KLHL8: variants seen among roughly 807,000 people sequenced by gnomAD.
The protein encoded by KLHL8 is kelch like family member 8, also known as kelch-like protein 8.
A neutral mutation model predicts 63.5 loss-of-function variants in KLHL8; 38 were observed. The observed-to-expected ratio is 0.60, with a 90% CI of 0.46 to 0.78. The LOEUF (loss-of-function observed/expected upper bound fraction) is 0.78. Among genes scored for constraint, KLHL8 ranks in the 30% least tolerant of loss-of-function variants. The probability of loss-of-function intolerance (pLI) is 0.00; values close to 1 mark genes in which losing one functional copy is unlikely to be tolerated. For synonymous variants in KLHL8, 224 were observed against 254.3 expected, an observed-to-expected ratio of 0.88 and a Z score of 1.13; for missense variants, 566 against 752.4, an observed-to-expected ratio of 0.75 and a Z score of 2.90.
At position 87,166,681 on chromosome 4, in the gene KLHL8, T is replaced by C. The variant is rs535072140; in HGVS notation, c.1538-2602A>G. Among the ~76,000 whole-genome samples the C allele has an allele frequency of 2.6e-5, 4 of 152,332 alleles. No individual in the cohort carries two copies. The South Asian group carries it at 8.3e-4, about 32-fold the overall frequency. ...GAAACTAGGCCCCTCCTTTGCAATA[T>C]AACAAGATCTCCAGATTATTCATAT... On this transcript the variant is annotated intron_variant, in intron 8 of 9. Transcript: ENST00000273963.
intron 1 of KLHL8, among the ~76,000 whole-genome samples, chr4:87,196,536 T>C (rs1234763756): frequency 6.6e-6 from 1 of 152,148 alleles, no homozygotes; most frequent in Non-Finnish European, 1.5e-5. Flanking sequence ...TAAGGAAATA[T>C]TTTGAGGATT....
chr4:87,186,801 T>C lies in KLHL8; in HGVS notation c.217-1002A>G, dbSNP rs147798552. On this transcript the variant is annotated intron_variant, in intron 2 of 9. Coordinates refer to ENST00000273963, the MANE Select transcript of KLHL8 (RefSeq NM_020803.5). ...GGCCTTCTAAGTGCTTTTCATATAC[T>C]AACTCAGTTGTCCCAACATCCCTAT... 2.6e-3 allele frequency among the ~76,000 whole-genome samples: 389 copies of C among 152,304 alleles called. 4 individuals are homozygous for C. Among genetic ancestry groups the C allele is most frequent in the African/African-American group, 8.8e-3 (364 of 41,586 alleles).
Position 87,185,250 on chromosome 4 carries a change from C to T in KLHL8, c.765+1G>A. ...GTGTGAAATCTTATTTCAGCTCCTA[C>T]CTGTGCAAGTGTTTCATCCAACCAT... On this transcript the variant is annotated splice_donor_variant, in intron 3 of 9. Coordinates refer to ENST00000273963, the MANE Select transcript of KLHL8 (RefSeq NM_020803.5). LOFTEE classifies it high-confidence loss of function. The T allele has an allele frequency of 6.2e-7, 1 of 1,604,610 alleles. No homozygotes were observed. Among genetic ancestry groups the T allele is most frequent in the Non-Finnish European group, 8.5e-7 (1 of 1,174,218 alleles).
intron 1 of KLHL8, among the ~76,000 whole-genome samples, chr4:87,204,612 C>A (rs1448196289): frequency 6.6e-6 from 1 of 152,208 alleles, no homozygotes; most frequent in Non-Finnish European, 1.5e-5. Flanking sequence ...TACACCCATA[C>A]AATAGAACAC....
intron 3 of KLHL8, 129 bp from the exon 4 acceptor site, chr4:87,183,518 C>T (rs1731133717): frequency 1.4e-6 from 1 of 699,170 alleles, no homozygotes; most frequent in South Asian, 2.3e-5. Context: ...AGCATGTTCT[C>T]TTTTTAAAAC....
intron 1 of KLHL8, among the ~76,000 whole-genome samples, chr4:87,201,067 T>C (rs577924864): frequency 1.3e-5 from 2 of 152,190 alleles, no homozygotes; most frequent in African/African-American, 4.8e-5. Flanking sequence ...TGATTCCACT[T>C]ATATGAGATA....
In KLHL8 at chr4:87,185,733, T is replaced by C. The variant is rs1731227760; in HGVS notation, c.283A>G (p.Met95Val). ...GCTTCAGCCATTTCAGAAAGAAACA[T>C]GGCTCTAAAGTAGGGAATAACACAA... Reference protein sequence around the residue: ...LACVIPYFRAMFLSEMAEAKQ... With the variant: ...LACVIPYFRAVFLSEMAEAKQ... Residue 95 changes from methionine to valine, a missense_variant, in exon 3 of 10, where the codon ATG (methionine) becomes GTG (valine). Transcript: ENST00000273963. 6.2e-7 allele frequency: 1 copy of C among 1,613,770 alleles called. No homozygotes were observed. The highest frequency in any genetic ancestry group is 8.5e-7 in the Non-Finnish European group (1 of 1,179,834).
intron 6 of KLHL8, among the ~76,000 whole-genome samples, chr4:87,171,833 A>G (rs1447383089): frequency 6.6e-6 from 1 of 152,168 alleles, no homozygotes; most frequent in African/African-American, 2.4e-5. Flanking sequence ...GGGTCACTCT[A>G]CACTTTCTCT....
At chr4:87,190,033 CAAAAAA>C (rs35607781) in intron 2 of KLHL8, among the ~76,000 whole-genome samples, 3 of 76,760 alleles carry the variant, frequency 3.9e-5, no homozygotes, top group African/African-American at 6.2e-5. Context: ...GCCTCCATCT[CAAAAAA>C]AAAAAAAAAA....
At chr4:87,205,192 G>C (rs1732074226) in intron 1 of KLHL8, among the ~76,000 whole-genome samples, 1 of 152,068 alleles carries the variant, frequency 6.6e-6, no homozygotes, top group African/African-American at 2.4e-5. Context: ...GGATCGCTTG[G>C]GCCCAGGAGT....
chr4:87,185,451 C>A lies in KLHL8; in HGVS notation c.565G>T (p.Asp189Tyr), dbSNP rs147087648. The A allele has an allele frequency of 5.6e-6, 9 of 1,614,102 alleles. No homozygotes were observed. The highest frequency in any genetic ancestry group is 1.3e-5 in the African/African-American group (1 of 74,938). The change falls in exon 3 of 10, where the codon GAT becomes TAT. Residue 189 changes from aspartate (D) to tyrosine (Y), a missense_variant. By Grantham distance (160) the Asp-to-Tyr change is radical. Coordinates refer to ENST00000273963, the MANE Select transcript of KLHL8 (RefSeq NM_020803.5). ...GTAAAATGGTCACAGGCATACTGAT[C>A]CGCCATGTCCATTAAGTCTATTCGA... ...HNRIDLMDMA[D>Y]QYACDHFTEV...
intron 1 of KLHL8, among the ~76,000 whole-genome samples, chr4:87,226,847 T>A (rs1439369481): frequency 2.5e-4 from 5 of 20,314 alleles, no homozygotes; most frequent in African/African-American, 1.0e-3. Context: ...AATATATATA[T>A]TATATATAAA....
intron 1 of KLHL8, among the ~76,000 whole-genome samples, chr4:87,237,897 C>T (rs556750633): frequency 6.6e-6 from 1 of 152,198 alleles, no homozygotes; most frequent in Non-Finnish European, 1.5e-5. Flanking sequence ...TTCAGAAAAA[C>T]ATATCTAAAC....
At chr4:87,171,244 T>C (rs547376551) in intron 6 of KLHL8, among the ~76,000 whole-genome samples, 76 of 152,302 alleles carry the variant, frequency 5.0e-4, no homozygotes, top group African/African-American at 1.7e-3. Context: ...TATCAAACTA[T>C]TATTTTGTCA....
intron 1 of KLHL8, among the ~76,000 whole-genome samples, chr4:87,205,474 T>C (rs2110032697): frequency 6.6e-6 from 1 of 152,266 alleles, no homozygotes; most frequent in African/African-American, 2.4e-5. Context: ...GAAAACACTA[T>C]CTGCCGTCAT....
intron 1 of KLHL8, among the ~76,000 whole-genome samples, chr4:87,203,626 T>C (rs1560710621): frequency 6.7e-6 from 1 of 149,876 alleles, no homozygotes; most frequent in Non-Finnish European, 1.5e-5. Context: ...CACCTGGCTA[T>C]AGTTTTATAT....
chr4:87,227,224 G>A (rs1259084571), intron 1 of KLHL8, among the ~76,000 whole-genome samples: 1 of 151,502 alleles, frequency 6.6e-6, no homozygotes, highest in Non-Finnish European at 1.5e-5. Context: ...TGCAACTATT[G>A]CACAGGACTT....
intron 4 of KLHL8, among the ~76,000 whole-genome samples, 163 bp downstream of exon 4, chr4:87,183,036 CTAAA>C (rs1349243407): frequency 6.6e-6 from 1 of 152,068 alleles, no homozygotes; most frequent in Non-Finnish European, 1.5e-5. Flanking sequence ...ATTGGTAAAA[CTAAA>C]TAATGTACAG....
intron 1 of KLHL8, among the ~76,000 whole-genome samples, chr4:87,211,059 C>G (rs1261303995): frequency 2.0e-5 from 3 of 152,212 alleles, no homozygotes; most frequent in African/African-American, 7.2e-5. Flanking sequence ...CACCGTCTCT[C>G]TTCACTGCTA....
Sources: gnomAD v4.1 joint callset for allele counts (sites outside exome capture counted in the v4.1 genomes callset) on GRCh38, gnomAD v4.1.1 for gene constraint, MANE v1.5 for transcripts, NCBI Gene and HGNC (gene_info 2026-07-23, HGNC 2026-07-21) for gene names.